Variants in VTI1A observed in about 807,000 individuals in gnomAD.
The protein encoded by VTI1A is vesicle transport through interaction with t-SNAREs homolog 1A.
VTI1A carries 22 observed loss-of-function variants against 34.9 expected under a neutral mutation model. That is an observed-to-expected ratio of 0.63 (90% confidence interval 0.45 to 0.90). The LOEUF (loss-of-function observed/expected upper bound fraction) is 0.90. VTI1A is among the 40% of genes least tolerant of loss of function. The pLI, the probability that VTI1A is intolerant of heterozygous loss-of-function variation, is 0.00. For missense variants in VTI1A, 268 were observed against 275.6 expected, an observed-to-expected ratio of 0.97 and a Z score of 0.20; for synonymous variants, 87 against 97.3, an observed-to-expected ratio of 0.89 and a Z score of 0.62.
intron 7 of VTI1A, chr10:112,737,801 TTC>T: frequency 1.9e-6 from 2 of 1,060,442 alleles, no homozygotes. Context: ...ATTGATGATT[TTC>T]TGTTGCTGAG....
intron 3 of VTI1A, among the ~76,000 whole-genome samples, chr10:112,480,788 C>G (rs1848437398): frequency 1.3e-5 from 2 of 152,124 alleles, no homozygotes; most frequent in Admixed American, 1.3e-4. Flanking sequence ...TTATACTTTG[C>G]TATACATTAG....
At chr10:112,830,846 TA>T in the VTI1A span, among the ~76,000 whole-genome samples, 2,872 of 53,352 alleles carry the variant, frequency 0.054, 259 homozygotes, top group African/African-American at 0.16. Context: ...TATATATATA[TA>T]TATTTTTTTT....
chr10:112,724,110 G>T (rs1201017533), intron 7 of VTI1A, among the ~76,000 whole-genome samples: 2 of 152,116 alleles, frequency 1.3e-5, no homozygotes, highest in South Asian at 2.1e-4. Context: ...GTTAATAGTT[G>T]TTTGCTAGTT....
intron 5 of VTI1A, among the ~76,000 whole-genome samples, chr10:112,551,554 C>A (rs73365069): frequency 6.6e-6 from 1 of 152,116 alleles, no homozygotes; most frequent in African/African-American, 2.4e-5. Context: ...GATTTCATAT[C>A]ATTTAGGAAG....
chr10:112,851,978 T>C, the VTI1A span, among the ~76,000 whole-genome samples: 1 of 152,190 alleles, frequency 6.6e-6, no homozygotes, highest in Admixed American at 6.5e-5. Flanking sequence ...CAGATTCACT[T>C]CCTTTTATGA....
At chr10:112,504,690 C>G (rs1849367298) in intron 3 of VTI1A, among the ~76,000 whole-genome samples, 1 of 152,130 alleles carries the variant, frequency 6.6e-6, no homozygotes, top group Non-Finnish European at 1.5e-5. Flanking sequence ...ATTTGCAATA[C>G]TGATCATTCT....
At position 112,546,113 on chromosome 10, in the gene VTI1A, CGT is replaced by C. The variant is rs929423471; in HGVS notation, c.427+7792_427+7793del. Reference sequence around the variant, plus strand: ...GTATGTGTGTATATACGTGTATACACGTGTGTGTGTATTTTGCATATATATGT... The same window carrying C: ...GTATGTGTGTATATACGTGTATACACGTGTGTGTATTTTGCATATATATGT... On this transcript the variant is annotated intron_variant, in intron 5 of 7. Transcript: ENST00000393077. 3.8e-4 allele frequency among the ~76,000 whole-genome samples: 52 copies of C among 135,124 alleles called. 1 individual carries two copies. The highest frequency in any genetic ancestry group is 8.8e-4 in the East Asian group (4 of 4,530). The allele number at this position is 135,124 out of a possible 152,430, so 88.6% of individuals were successfully genotyped here. A position where few individuals can be genotyped will look rare whatever the true frequency, so the allele number is the denominator to read the frequency against.
chr10:112,630,246 C>T (rs1846078405), intron 5 of VTI1A, among the ~76,000 whole-genome samples: 1 of 152,276 alleles, frequency 6.6e-6, no homozygotes, highest in African/African-American at 2.4e-5. Context: ...AGCAGAGCAT[C>T]CTATGGAGTC....
intron 5 of VTI1A, among the ~76,000 whole-genome samples, chr10:112,660,927 A>G (rs1847422603): frequency 6.6e-6 from 1 of 152,144 alleles, no homozygotes; most frequent in South Asian, 2.1e-4. Context: ...TTTTTATTTT[A>G]AACGGTTACT....
chr10:112,546,021 CGT>C (rs1851086309), intron 5 of VTI1A, among the ~76,000 whole-genome samples: 1 of 137,482 alleles, frequency 7.3e-6, no homozygotes, highest in African/African-American at 3.3e-5. Flanking sequence ...TGTGTATATA[CGT>C]GTATACGCGT....
At chr10:112,761,910 A>G (rs556611262) in intron 7 of VTI1A, among the ~76,000 whole-genome samples, 1 of 152,248 alleles carries the variant, frequency 6.6e-6, no homozygotes, top group Non-Finnish European at 1.5e-5. Flanking sequence ...TGTTTTCTGA[A>G]TATCTACTCC....
chr10:112,803,187 G>A (rs1032030425), intron 7 of VTI1A, among the ~76,000 whole-genome samples: 5 of 152,236 alleles, frequency 3.3e-5, no homozygotes, highest in South Asian at 2.1e-4. Flanking sequence ...TCCTGCCTTA[G>A]CCTCCCAAGT....
chr10:112,719,826 G>A (rs1405624926), intron 7 of VTI1A, among the ~76,000 whole-genome samples: 3 of 152,234 alleles, frequency 2.0e-5, no homozygotes, highest in East Asian at 3.9e-4. Flanking sequence ...GATTACAGGC[G>A]TGAGCCACGA....
At chr10:112,796,297 T>C (rs1275678400) in intron 7 of VTI1A, among the ~76,000 whole-genome samples, 1 of 151,246 alleles carries the variant, frequency 6.6e-6, no homozygotes. Flanking sequence ...TCCCAGCTAC[T>C]CGGGAGGCTG....
At chr10:112,526,974 G>A in intron 3 of VTI1A, 113 bp from the exon 4 acceptor site, 7 of 906,546 alleles carry the variant, frequency 7.7e-6, no homozygotes, top group Non-Finnish European at 1.0e-5. Context: ...TAGCCAATAG[G>A]TTTCCATTAG....
At chr10:112,820,351 G>A (rs1195880419), downstream of VTI1A, among the ~76,000 whole-genome samples, 1 of 152,194 alleles carries the variant, frequency 6.6e-6, no homozygotes, top group Non-Finnish European at 1.5e-5. Context: ...CCTGGTTGAG[G>A]GTCTGCCTGA....
chr10:112,611,737 ATTTTTT>A (rs3057346), intron 5 of VTI1A, among the ~76,000 whole-genome samples: 17 of 100,804 alleles, frequency 1.7e-4, no homozygotes, highest in African/African-American at 6.3e-4. Flanking sequence ...GAGAAAGGTA[ATTTTTT>A]TTTTTTTTTT....
chr10:112,612,635 G>C (rs973830113), intron 5 of VTI1A, among the ~76,000 whole-genome samples: 1 of 152,078 alleles, frequency 6.6e-6, no homozygotes, highest in Non-Finnish European at 1.5e-5. Flanking sequence ...TGTTGCCCAG[G>C]TTGGTCTAGA....
the VTI1A span, among the ~76,000 whole-genome samples, chr10:112,841,843 G>A: frequency 2.8e-4 from 43 of 152,168 alleles, no homozygotes; most frequent in South Asian, 6.4e-3. Flanking sequence ...TAATTCTATC[G>A]CTCCGCAATA....
Sources: gnomAD v4.1 joint callset for allele counts (sites outside exome capture counted in the v4.1 genomes callset) on GRCh38, gnomAD v4.1.1 for gene constraint, MANE v1.5 for transcripts, NCBI Gene and HGNC (gene_info 2026-07-23, HGNC 2026-07-21) for gene names.